RALYL: variants seen among roughly 807,000 people sequenced by gnomAD.
The protein encoded by RALYL is RNA-binding Raly-like protein.
In RALYL, 29 loss-of-function variants were observed where a neutral mutation model predicts 35.1. The ratio of observed to expected loss-of-function variants is 0.83; its 90% CI spans 0.61 to 1.13. The LOEUF (loss-of-function observed/expected upper bound fraction) is 1.13. Among genes scored for constraint, RALYL ranks in the 50% most tolerant of loss-of-function variants. RALYL has a pLI of 0.00. For synonymous variants in RALYL, 120 were observed against 127.6 expected (o/e 0.94, Z 0.40); for missense variants, 359 against 360.4 (o/e 1.00, Z 0.03).
chr8:84,595,822 G>C (rs920450963), intron 2 of RALYL, among the ~76,000 whole-genome samples: 1 of 133,196 alleles, frequency 7.5e-6, no homozygotes, highest in Non-Finnish European at 1.6e-5. Flanking sequence ...TTTGTAGTAT[G>C]AGCCTGATCA....
intron 2 of RALYL, among the ~76,000 whole-genome samples, chr8:84,541,399 A>C (rs2060009988): frequency 6.6e-6 from 1 of 151,958 alleles, no homozygotes. Context: ...TAATTTTAAA[A>C]ATTGATTTTA....
intron 1 of RALYL, among the ~76,000 whole-genome samples, chr8:84,500,105 C>T (rs1051289694): frequency 2.6e-5 from 4 of 152,010 alleles, no homozygotes; most frequent in East Asian, 3.9e-4. Context: ...TATATGACAC[C>T]GTATAAATTT....
At chr8:84,321,123 A>G (rs1354171856) in intron 1 of RALYL, among the ~76,000 whole-genome samples, 2 of 152,142 alleles carry the variant, frequency 1.3e-5, no homozygotes, top group Non-Finnish European at 2.9e-5. Context: ...ACGGAAGTGA[A>G]TAGAAGAAAA....
chr8:84,742,641 A>G (rs1807644720), intron 2 of RALYL, among the ~76,000 whole-genome samples: 1 of 152,042 alleles, frequency 6.6e-6, no homozygotes. Flanking sequence ...GTGGAGACCA[A>G]CTCTCACAGG....
At chr8:84,607,728 T>C (rs2130833787) in intron 2 of RALYL, among the ~76,000 whole-genome samples, 1 of 152,264 alleles carries the variant, frequency 6.6e-6, no homozygotes, top group South Asian at 2.1e-4. Context: ...GTATGTCCAC[T>C]ACCAATGAGG....
chr8:84,785,271 A>G (rs568596173), intron 3 of RALYL, among the ~76,000 whole-genome samples: 2 of 152,300 alleles, frequency 1.3e-5, no homozygotes, highest in African/African-American at 4.8e-5. Flanking sequence ...TGAAGATTTC[A>G]GTGTTCATTA....
chr8:84,735,776 A>T (rs1847146464), intron 2 of RALYL, among the ~76,000 whole-genome samples: 1 of 150,996 alleles, frequency 6.6e-6, no homozygotes, highest in African/African-American at 2.5e-5. Context: ...CTATGGGTAA[A>T]AAACATGCCC....
chr8:84,840,238 G>A (rs573252815), intron 4 of RALYL, among the ~76,000 whole-genome samples: 16 of 151,862 alleles, frequency 1.1e-4, no homozygotes, highest in Non-Finnish European at 1.5e-4. Context: ...TGAGACAAAT[G>A]GCTAACTAGA....
intron 2 of RALYL, among the ~76,000 whole-genome samples, chr8:84,550,180 A>G (rs1442971683): frequency 6.6e-6 from 1 of 151,916 alleles, no homozygotes; most frequent in African/African-American, 2.4e-5. Flanking sequence ...ATTTCTCTCA[A>G]TTTTGTGTTA....
intron 4 of RALYL, among the ~76,000 whole-genome samples, chr8:84,818,493 T>G (rs1358029112): frequency 6.6e-6 from 1 of 152,108 alleles, no homozygotes; most frequent in Non-Finnish European, 1.5e-5. Flanking sequence ...CAAAGTTGGA[T>G]GAGTAGCAGC....
intron 2 of RALYL, among the ~76,000 whole-genome samples, chr8:84,569,873 T>A (rs1006886810): frequency 1.3e-5 from 2 of 151,896 alleles, no homozygotes; most frequent in East Asian, 3.9e-4. Flanking sequence ...TTTTTGACCC[T>A]ATTGTCAAAA....
intron 1 of RALYL, among the ~76,000 whole-genome samples, chr8:84,298,863 A>G (rs567153473): frequency 1.3e-5 from 2 of 151,970 alleles, no homozygotes; most frequent in East Asian, 3.9e-4. Context: ...TCTCATTTGA[A>G]TGTTACTGGT....
intron 4 of RALYL, among the ~76,000 whole-genome samples, chr8:84,816,343 TTTC>T (rs1348725417): frequency 2.0e-5 from 3 of 152,202 alleles, no homozygotes; most frequent in Non-Finnish European, 4.4e-5. Context: ...ACATGAATTA[TTTC>T]TTCTTCTTCA....
At chr8:84,352,071 C>G (rs1311502770) in intron 1 of RALYL, among the ~76,000 whole-genome samples, 1 of 150,286 alleles carries the variant, frequency 6.7e-6, no homozygotes, top group Admixed American at 6.6e-5. Flanking sequence ...GACCTTAAAG[C>G]AAGTTAAATT....
chr8:84,776,504 C>T (rs939381966), intron 3 of RALYL, among the ~76,000 whole-genome samples: 4 of 152,130 alleles, frequency 2.6e-5, no homozygotes, highest in South Asian at 2.1e-4. Flanking sequence ...AAGCAAATGA[C>T]ACATTCTGTA....
intron 1 of RALYL, among the ~76,000 whole-genome samples, chr8:84,516,495 T>C (rs2058075704): frequency 6.6e-6 from 1 of 152,136 alleles, no homozygotes; most frequent in South Asian, 2.1e-4. Flanking sequence ...GCATTTTAAA[T>C]AATAATATAG....
intron 2 of RALYL, among the ~76,000 whole-genome samples, chr8:84,734,195 T>C (rs1392611021): frequency 6.6e-6 from 1 of 152,172 alleles, no homozygotes; most frequent in African/African-American, 2.4e-5. Flanking sequence ...GTTAATTCCA[T>C]TTTCTATTCC....
At chr8:84,561,390 A>T (rs1194927186) in intron 2 of RALYL, among the ~76,000 whole-genome samples, 1 of 151,910 alleles carries the variant, frequency 6.6e-6, no homozygotes, top group Non-Finnish European at 1.5e-5. Flanking sequence ...ATTATGTAGG[A>T]TGAGTATGTT....
Position 84,601,862 on chromosome 8 carries a change from T to G in RALYL, c.256+72285T>G, listed in dbSNP as rs555939219. Reference sequence around the variant, plus strand: ...CTATGATGCTATTGTATTCTTCCTCTTTTTCAATATTTTAGCTTCCTTGAT... The same window carrying G: ...CTATGATGCTATTGTATTCTTCCTCGTTTTCAATATTTTAGCTTCCTTGAT... On this transcript the variant is annotated intron_variant, in intron 2 of 8. Coordinates refer to ENST00000521268, the MANE Select transcript of RALYL (RefSeq NM_173848.7). Among the ~76,000 whole-genome samples, 6 of 152,278 alleles carry G rather than the reference T, an allele frequency of 3.9e-5. No individual in the cohort carries two copies. The South Asian group carries it at 1.2e-3, about 32-fold the overall frequency.
Sources: allele counts gnomAD v4.1 joint callset (sites outside exome capture counted in the v4.1 genomes callset), GRCh38; gene constraint gnomAD v4.1.1; transcripts MANE v1.5; gene names NCBI Gene and HGNC (gene_info 2026-07-23, HGNC 2026-07-21).